Variants in ANO4 observed in about 807,000 individuals in gnomAD.
ANO4 encodes the protein anoctamin 4, also known as anoctamin-4.
A neutral mutation model predicts 141.9 loss-of-function variants in ANO4; 69 were observed. That is an observed-to-expected ratio of 0.49 (90% CI 0.40 to 0.59). The LOEUF is 0.59. ANO4 is among the 20% of genes least tolerant of loss of function. The probability of loss-of-function intolerance (pLI) is 0.00; values close to 1 mark genes in which losing one functional copy is unlikely to be tolerated. For missense variants in ANO4, 894 were observed against 1,162.2 expected (o/e 0.77, Z 3.36); for synonymous variants, 350 against 394.3 (o/e 0.89, Z 1.33).
intron 1 of ANO4, among the ~76,000 whole-genome samples, chr12:100,822,803 G>C (rs1565907258): frequency 6.6e-6 from 1 of 151,736 alleles, no homozygotes; most frequent in Non-Finnish European, 1.5e-5. Context: ...TTATCTTTGG[G>C]GCTCTTGTCT....
intron 24 of ANO4, among the ~76,000 whole-genome samples, chr12:101,115,053 G>A (rs1249540553): frequency 1.3e-5 from 2 of 152,042 alleles, no homozygotes; most frequent in African/African-American, 4.8e-5. Flanking sequence ...TTGGTTTAGT[G>A]TTCAGCAGCT....
At chr12:100,939,283 C>T (rs1356035512) in intron 3 of ANO4, 32 bp from the exon 4 acceptor site, 1 of 1,578,700 alleles carries the variant, frequency 6.3e-7, no homozygotes. Context: ...CAGATTTTTA[C>T]CCACCTTATA....
At chr12:100,784,127 G>A (rs766462293) in intron 3 of ANO4, among the ~76,000 whole-genome samples, 2 of 152,144 alleles carry the variant, frequency 1.3e-5, no homozygotes, top group Admixed American at 1.3e-4. Context: ...GTCACTAGCA[G>A]TTGCTAAACA....
intron 14 of ANO4, among the ~76,000 whole-genome samples, chr12:101,054,539 C>A (rs541295295): frequency 6.6e-6 from 1 of 152,088 alleles, no homozygotes; most frequent in African/African-American, 2.4e-5. Flanking sequence ...TCGCTCTGTC[C>A]CCCAGGCTGG....
chr12:100,862,601 C>T (rs1052344671), intron 1 of ANO4, among the ~76,000 whole-genome samples: 11 of 147,090 alleles, frequency 7.5e-5, no homozygotes, highest in African/African-American at 2.7e-5. Flanking sequence ...GGATTACAGG[C>T]GTGAGCCACT....
chr12:100,812,505 T>G (rs1171587450), intron 1 of ANO4, among the ~76,000 whole-genome samples: 1 of 152,190 alleles, frequency 6.6e-6, no homozygotes, highest in Non-Finnish European at 1.5e-5. Context: ...CATAATAATG[T>G]GTATACATAC....
At chr12:100,790,718 C>T (rs2034018001), upstream of ANO4, among the ~76,000 whole-genome samples, 1 of 151,980 alleles carries the variant, frequency 6.6e-6, no homozygotes, top group South Asian at 2.1e-4. Flanking sequence ...TTGATGATCC[C>T]ATAGGATTCT....
chr12:100,758,876 A>G (rs530463962), intron 3 of ANO4, among the ~76,000 whole-genome samples: 2 of 152,120 alleles, frequency 1.3e-5, no homozygotes, highest in East Asian at 3.9e-4. Context: ...TCAAGTTTCT[A>G]CCTCTGTCTA....
intron 3 of ANO4, among the ~76,000 whole-genome samples, chr12:100,742,132 T>C (rs2031895395): frequency 1.3e-5 from 2 of 152,180 alleles, no homozygotes; most frequent in African/African-American, 2.4e-5. Context: ...TTATTCTTAC[T>C]ATTAGTATCC....
At chr12:100,898,780 AAAG>A (rs1356190489) in intron 1 of ANO4, among the ~76,000 whole-genome samples, 1 of 152,222 alleles carries the variant, frequency 6.6e-6, no homozygotes, top group Admixed American at 6.5e-5. Flanking sequence ...GCAAAAAGGA[AAAG>A]AAGAAATTTT....
intron 1 of ANO4, among the ~76,000 whole-genome samples, chr12:100,849,796 A>T (rs996612899): frequency 5.3e-5 from 8 of 152,324 alleles, no homozygotes; most frequent in Admixed American, 5.2e-4. Flanking sequence ...TAATATTACC[A>T]AACTGCCAAA....
chr12:100,778,515 C>T (rs2033608262), intron 3 of ANO4, among the ~76,000 whole-genome samples: 1 of 152,194 alleles, frequency 6.6e-6, no homozygotes. Flanking sequence ...GCAAAGACAC[C>T]TCCCATAAGC....
chr12:101,076,378 A>G (rs547098498), intron 14 of ANO4, among the ~76,000 whole-genome samples: 69 of 152,320 alleles, frequency 4.5e-4, no homozygotes, highest in Middle Eastern at 3.4e-3. Context: ...CCTTGATCTT[A>G]TATTTCCCAG....
intron 21 of ANO4, 31 bp from the exon 22 acceptor site, chr12:101,099,547 T>G: frequency 6.4e-7 from 1 of 1,569,826 alleles, no homozygotes; most frequent in Non-Finnish European, 8.6e-7. Flanking sequence ...ATCAGTTACA[T>G]TTTTTGTAAG....
chr12:101,122,912 T>G (rs1437829892), intron 26 of ANO4, among the ~76,000 whole-genome samples: 2 of 152,192 alleles, frequency 1.3e-5, no homozygotes, highest in Non-Finnish European at 2.9e-5. Flanking sequence ...AGACTCAAAA[T>G]GGAATTATAA....
intron 1 of ANO4, among the ~76,000 whole-genome samples, chr12:100,840,532 C>T (rs1048788265): frequency 3.3e-5 from 5 of 152,046 alleles, no homozygotes; most frequent in African/African-American, 1.2e-4. Flanking sequence ...AGGGATGGAA[C>T]CTAGATTGGG....
At chr12:100,954,961 A>C (rs1397117103) in intron 5 of ANO4, among the ~76,000 whole-genome samples, 1 of 152,186 alleles carries the variant, frequency 6.6e-6, no homozygotes, top group Non-Finnish European at 1.5e-5. Flanking sequence ...GGGAGGGAAA[A>C]GAAACAAGGA....
intron 1 of ANO4, among the ~76,000 whole-genome samples, chr12:100,897,299 C>T (rs905085463): frequency 6.6e-6 from 1 of 152,190 alleles, no homozygotes. Context: ...TCTGATGAGG[C>T]TGAGGGAGGC....
At chr12:100,747,266 T>TATCCTA (rs2032152847) in intron 3 of ANO4, among the ~76,000 whole-genome samples, 1 of 152,174 alleles carries the variant, frequency 6.6e-6, no homozygotes, top group Non-Finnish European at 1.5e-5. Context: ...GATCCTATTT[T>TATCCTA]AGCAAGGGCC....
Sources: allele counts gnomAD v4.1 joint callset (sites outside exome capture counted in the v4.1 genomes callset), GRCh38; gene constraint gnomAD v4.1.1; transcripts MANE v1.5; gene names NCBI Gene and HGNC (gene_info 2026-07-23, HGNC 2026-07-21).